The following LINGO2 variants were observed in gnomAD, a reference collection of about 807,000 sequenced individuals.
LINGO2 encodes the protein leucine rich repeat and Ig domain containing 2.
In LINGO2, 14 loss-of-function variants were observed where a neutral mutation model predicts 30.6. The ratio of observed to expected loss-of-function variants is 0.46; its 90% CI spans 0.30 to 0.72. The LOEUF is 0.72. Ranked by LOEUF, LINGO2 falls within the 30% of genes least tolerant of loss-of-function variation. The probability of loss-of-function intolerance (pLI) is 0.07; values close to 1 mark genes in which losing one functional copy is unlikely to be tolerated. For synonymous variants in LINGO2, 317 were observed against 288.5 expected, an observed-to-expected ratio of 1.10 and a Z score of -1.00; for missense variants, 729 against 751.7, an observed-to-expected ratio of 0.97 and a Z score of 0.35.
intron 1 of LINGO2, among the ~76,000 whole-genome samples, chr9:28,615,118 A>C (rs1283176314): frequency 1.3e-5 from 2 of 152,102 alleles, no homozygotes; most frequent in East Asian, 3.8e-4. Context: ...TGCTCATGGA[A>C]GACAAAAAGA....
rs192825859 is a variant in LINGO2 at position 28,308,968 on chromosome 9, T to A, written c.-245-13602A>T. Among the ~76,000 whole-genome samples the A allele has an allele frequency of 7.2e-3, 1,103 of 152,202 alleles. 19 individuals carry two copies. Among genetic ancestry groups the A allele is most frequent in the African/African-American group, 0.024 (1,006 of 41,534 alleles). On this transcript the variant is annotated intron_variant, in intron 3 of 5. Coordinates refer to ENST00000379992, the Ensembl canonical transcript of LINGO2. The stretch of plus-strand genomic sequence containing the variant: ...AAAGGATGTGGAGAAATAGGAACAC[T>A]TTTACACTGTTGGTGGGACTGTAAA...
intron 2 of LINGO2, among the ~76,000 whole-genome samples, chr9:28,463,765 A>C (rs907685351): frequency 6.6e-6 from 1 of 152,150 alleles, no homozygotes. Context: ...AAAATGAAAA[A>C]AAATGATGAT....
intron 4 of LINGO2, among the ~76,000 whole-genome samples, chr9:28,077,982 G>C (rs919453076): frequency 2.0e-5 from 3 of 149,170 alleles, no homozygotes; most frequent in Non-Finnish European, 2.9e-5. Flanking sequence ...GTTGTAATCT[G>C]TCTGCCATAT....
intron 1 of LINGO2, among the ~76,000 whole-genome samples, chr9:28,535,091 G>C (rs1821374282): frequency 6.6e-6 from 1 of 152,028 alleles, no homozygotes; most frequent in African/African-American, 2.4e-5. Context: ...TATTAGGGAT[G>C]GGTTCATGCA....
At chr9:28,020,120 G>A (rs766443817) in intron 4 of LINGO2, among the ~76,000 whole-genome samples, 1 of 152,080 alleles carries the variant, frequency 6.6e-6, no homozygotes, top group Non-Finnish European at 1.5e-5. Flanking sequence ...GTCTGAATGA[G>A]CCATCTCTGC....
At chr9:28,314,916 C>T (rs554894698) in intron 3 of LINGO2, among the ~76,000 whole-genome samples, 4 of 148,422 alleles carry the variant, frequency 2.7e-5, no homozygotes, top group East Asian at 4.2e-4. Flanking sequence ...ACCCGGGAGG[C>T]GGAGCTTGCA....
intron 2 of LINGO2, among the ~76,000 whole-genome samples, chr9:28,472,203 C>G (rs12377555): frequency 1.3e-5 from 2 of 152,062 alleles, no homozygotes; most frequent in South Asian, 4.2e-4. Context: ...CATGTATGTT[C>G]TGATACAAAT....
At position 28,054,064 on chromosome 9, in the gene LINGO2, C is replaced by CAAAAAAAAAAAAAAAAAAA. The variant is rs11461978; in HGVS notation, c.-86-41660_-86-41659insTTTTTTTTTTTTTTTTTTT. The stretch of plus-strand genomic sequence containing the variant: ...CGTGGGTTGCAGCCCAGCTAGCAGA[C>CAAAAAAAAAAAAAAAAAAA]AAAAAAAAAGAGAAAGTGGGATTCT... On this transcript the variant is annotated intron_variant, in intron 4 of 5. Coordinates refer to ENST00000379992, the Ensembl canonical transcript of LINGO2. Among the ~76,000 whole-genome samples the CAAAAAAAAAAAAAAAAAAA allele has an allele frequency of 4.2e-4, 63 of 149,160 alleles. 1 individual carries two copies. Among genetic ancestry groups the CAAAAAAAAAAAAAAAAAAA allele is most frequent in the Middle Eastern group, 3.5e-3 (1 of 284 alleles).
chr9:28,939,653 T>C, the LINGO2 span, among the ~76,000 whole-genome samples: 1 of 152,160 alleles, frequency 6.6e-6, no homozygotes, highest in Non-Finnish European at 1.5e-5. Flanking sequence ...GGTTTAAAGG[T>C]TTGTTTCTTC....
At chr9:28,122,058 T>A (rs1217790104) in intron 4 of LINGO2, among the ~76,000 whole-genome samples, 1 of 152,126 alleles carries the variant, frequency 6.6e-6, no homozygotes, top group African/African-American at 2.4e-5. Flanking sequence ...GGAGAGGACT[T>A]AATTCCTGGT....
chr9:28,155,683 A>G (rs949985229), intron 4 of LINGO2, among the ~76,000 whole-genome samples: 13 of 152,180 alleles, frequency 8.5e-5, no homozygotes, highest in African/African-American at 3.1e-4. Flanking sequence ...AATGCTATAG[A>G]CTAAATGTGT....
intron 4 of LINGO2, among the ~76,000 whole-genome samples, chr9:28,172,487 T>C (rs1232366566): frequency 6.6e-6 from 1 of 152,110 alleles, no homozygotes; most frequent in Non-Finnish European, 1.5e-5. Flanking sequence ...GAAGAAAATA[T>C]CGTTATTGTC....
At chr9:28,625,552 TTTGGCCATC>T (rs1563873123) in intron 1 of LINGO2, among the ~76,000 whole-genome samples, 1 of 152,156 alleles carries the variant, frequency 6.6e-6, no homozygotes, top group Non-Finnish European at 1.5e-5. Context: ...GAGGCTTCTG[TTTGGCCATC>T]TTGCTCCACA....
chr9:28,072,379 C>T (rs1825505331), intron 4 of LINGO2, among the ~76,000 whole-genome samples: 1 of 152,192 alleles, frequency 6.6e-6, no homozygotes, highest in African/African-American at 2.4e-5. Flanking sequence ...TCTTGTTTGT[C>T]TCAGAACATT....
chr9:28,525,973 A>G (rs532480742), intron 1 of LINGO2, among the ~76,000 whole-genome samples: 59 of 145,652 alleles, frequency 4.1e-4, no homozygotes, highest in South Asian at 1.6e-3. Flanking sequence ...GAAGAATGGC[A>G]TGAACCCGGG....
chr9:28,127,332 A>G (rs918883342), intron 4 of LINGO2, among the ~76,000 whole-genome samples: 11 of 152,192 alleles, frequency 7.2e-5, no homozygotes, highest in Non-Finnish European at 1.3e-4. Context: ...GTAAAGTACA[A>G]CTATACTGTT....
intron 4 of LINGO2, among the ~76,000 whole-genome samples, chr9:28,286,703 A>G (rs1823520712): frequency 6.6e-6 from 1 of 152,188 alleles, no homozygotes; most frequent in Non-Finnish European, 1.5e-5. Flanking sequence ...GCAAACTAAC[A>G]CAGGAATAGA....
At chr9:28,336,801 C>A (rs77878571) in intron 3 of LINGO2, among the ~76,000 whole-genome samples, 4,375 of 151,644 alleles carry the variant, frequency 0.029, 138 homozygotes, top group South Asian at 0.095. Flanking sequence ...CAAAAAAAAA[C>A]CACCTCATTT....
the LINGO2 span, among the ~76,000 whole-genome samples, chr9:28,961,626 A>T: frequency 6.6e-6 from 1 of 152,274 alleles, no homozygotes; most frequent in Non-Finnish European, 1.5e-5. Context: ...CTGTAATGAA[A>T]AGTCTGAAAG....
Sources: allele counts gnomAD v4.1 joint callset (sites outside exome capture counted in the v4.1 genomes callset), GRCh38; gene constraint gnomAD v4.1.1; transcripts MANE v1.5; gene names NCBI Gene and HGNC (gene_info 2026-07-23, HGNC 2026-07-21).